The following APOL6 variants were observed in gnomAD, a reference collection of about 807,000 sequenced individuals.
APOL6 encodes the protein apolipoprotein L6, also known as apolipoprotein L, 6.
Under a neutral mutation model 2.4 loss-of-function variants are expected in APOL6, and 1 was observed. That is an observed-to-expected ratio of 0.41 (90% CI 0.15 to 1.94). The LOEUF is 1.94. Among genes scored for constraint, APOL6 ranks in the 30% most tolerant of loss-of-function variants. The pLI, the probability that APOL6 is intolerant of heterozygous loss-of-function variation, is 0.30. For synonymous variants in APOL6, 189 were observed against 169.3 expected (o/e 1.12, Z -0.90); for missense variants, 438 against 429.2 (o/e 1.02, Z -0.18).
rs796494565 is a variant in APOL6 at position 35,667,043 on chromosome 22, A to T, written c.*7447A>T. On this transcript the variant is annotated 3_prime_UTR_variant, in exon 3 of 3. Transcript: ENST00000409652. ...TGGAGAAATTGGTTGTTTTACTAAGACTTTGACTGGAATGGTGTGCTTTTC... is the reference window on the plus strand; with the variant it reads ...TGGAGAAATTGGTTGTTTTACTAAGTCTTTGACTGGAATGGTGTGCTTTTC... 4.6e-5 allele frequency: 7 copies of T among 152,312 alleles called. No homozygotes were observed. The highest frequency in any genetic ancestry group is 1.4e-4 in the African/African-American group (6 of 41,566). The allele number at this position is 152,312 out of a possible 1,614,324, so 9.4% of individuals were successfully genotyped here.
intron 1 of APOL6, among the ~76,000 whole-genome samples, chr22:35,652,580 G>T (rs1924726311): frequency 6.6e-6 from 1 of 152,044 alleles, no homozygotes. Context: ...TGTATAAGGT[G>T]TAAGGAAGGG....
Position 35,664,268 on chromosome 22 carries a change from T to C in APOL6, c.*4672T>C, listed in dbSNP as rs1443801711. On this transcript the variant is annotated 3_prime_UTR_variant, in exon 3 of 3. Coordinates refer to ENST00000409652, the MANE Select transcript of APOL6 (RefSeq NM_030641.4). The stretch of plus-strand genomic sequence containing the variant: ...CCCAAAACAGAATGATCTTTGCTTG[T>C]GTAATTTTTAATAAATAAGACATTG... The C allele has an allele frequency of 1.3e-5, 2 of 152,236 alleles. No individual in the cohort carries two copies. The highest frequency in any genetic ancestry group is 2.4e-5 in the African/African-American group (1 of 41,460). The allele number at this position is 152,236 out of a possible 1,614,324, so 9.4% of individuals were successfully genotyped here. A position where few individuals can be genotyped will look rare whatever the true frequency, so the allele number is the denominator to read the frequency against.
intron 1 of APOL6, among the ~76,000 whole-genome samples, chr22:35,653,697 AC>A (rs1269891917): frequency 6.6e-6 from 1 of 151,964 alleles, no homozygotes; most frequent in East Asian, 1.9e-4. Context: ...ACACCAATTT[AC>A]CTTCTTCTGG....
Position 35,662,671 on chromosome 22 carries a change from G to A in APOL6, c.*3075G>A, listed in dbSNP as rs1267628024. 6.6e-6 allele frequency: 1 copy of A among 152,226 alleles called. No individual in the cohort carries two copies. Among genetic ancestry groups the A allele is most frequent in the East Asian group, 1.9e-4 (1 of 5,206 alleles). 9.4% of individuals were successfully genotyped at this position (152,226 alleles called of 1,614,324 possible). A position where few individuals can be genotyped will look rare whatever the true frequency, so the allele number is the denominator to read the frequency against. ...CAGGACTTCCTGAGTCTGTGTCACA[G>A]TGTGTCCTCAACCTTGGCAAAATAA... On this transcript the variant is annotated 3_prime_UTR_variant, in exon 3 of 3. Transcript: ENST00000409652.
In APOL6 at chr22:35,659,371, A is replaced by C; in HGVS notation, c.807A>C (p.Glu269Asp). The C allele has an allele frequency of 1.2e-6, 2 of 1,614,108 alleles. No individual in the cohort carries two copies. Among genetic ancestry groups the C allele is most frequent in the Non-Finnish European group, 1.7e-6 (2 of 1,180,014 alleles). ...AAGGAGCAAGGACAAAGTTTGCGGA[A>C]GAGTTGAGAGCCAAGGCCTTGGAGC... Reference protein sequence around the residue: ...LKEGARTKFAEELRAKALELE... With the variant: ...LKEGARTKFADELRAKALELE... Residue 269 changes from glutamate (E) to aspartate (D), a missense_variant, in exon 3 of 3, where the codon GAA (glutamate) becomes GAC (aspartate). Physicochemically the swap from Glu to Asp is conservative, Grantham distance 45. Coordinates refer to ENST00000409652, the MANE Select transcript of APOL6 (RefSeq NM_030641.4).
intron 1 of APOL6, among the ~76,000 whole-genome samples, chr22:35,652,913 GTT>G: frequency 6.6e-6 from 1 of 152,024 alleles, no homozygotes; most frequent in East Asian, 1.9e-4. Flanking sequence ...CTTTAAAGTA[GTT>G]TTTTCCAATT....
At chr22:35,656,331 G>T (rs989482120) in intron 1 of APOL6, 48 bp from the exon 2 acceptor site, 17 of 1,424,398 alleles carry the variant, frequency 1.2e-5, no homozygotes, top group Non-Finnish European at 1.7e-5. Context: ...AATTTCATAA[G>T]GTTTCATCAT....
rs140728642 is a variant in APOL6, at chr22:35,659,185, T to A, written c.621T>A (p.Thr207=). ...LANATKRLLT[T]GQVSSRSRVQ... Reference sequence around the variant, plus strand: ...ATGCTACCAAGCGTCTTCTGACCACTGGCCAAGTCTCCTCCCGGAGCCGCG... The same window carrying A: ...ATGCTACCAAGCGTCTTCTGACCACAGGCCAAGTCTCCTCCCGGAGCCGCG... Residue 207 remains threonine, a synonymous_variant, in exon 3 of 3, where the codon ACT becomes ACA. Coordinates refer to ENST00000409652, the MANE Select transcript of APOL6 (RefSeq NM_030641.4). The A allele has an allele frequency of 6.8e-6, 11 of 1,614,080 alleles. No individual in the cohort carries two copies. The African/African-American group carries it at 1.5e-4, about 22-fold the overall frequency.
rs562755241 is a variant in APOL6, at chr22:35,659,028, A to C, written c.464A>C (p.Glu155Ala). Residue 155 changes from glutamate to alanine, a missense_variant, in exon 3 of 3, where the codon GAG (glutamate) becomes GCG (alanine). Transcript: ENST00000409652. ...ILPTYDQEDR[E>A]DEEEKADYVT... ...CCCACCTACGACCAAGAGGACAGGGAGGATGAGGAAGAGAAGGCAGACTAT... is the reference window on the plus strand; with the variant it reads ...CCCACCTACGACCAAGAGGACAGGGCGGATGAGGAAGAGAAGGCAGACTAT... 6.8e-6 allele frequency: 11 copies of C among 1,613,870 alleles called. No individual in the cohort carries two copies. In the African/African-American group the frequency reaches 1.1e-4, roughly 16 times the overall value.
At chr22:35,657,937 G>T (rs1924890571) in intron 2 of APOL6, among the ~76,000 whole-genome samples, 1 of 152,176 alleles carries the variant, frequency 6.6e-6, no homozygotes, top group Admixed American at 6.5e-5. Context: ...AGGTCTCTTT[G>T]TCCCAAACTT....
Position 35,665,126 on chromosome 22 carries a change from A to ACC in APOL6, c.*5533_*5534dup, listed in dbSNP as rs1297388359. 10 of 151,996 alleles carry ACC rather than the reference A, an allele frequency of 6.6e-5. No individual in the cohort carries two copies. The highest frequency in any genetic ancestry group is 1.7e-4 in the African/African-American group (7 of 41,470). 9.4% of individuals were successfully genotyped at this position (151,996 alleles called of 1,614,324 possible). ...TATATATATACACACACACACACACACCCCAAAAGCTTTTATATAATCAAG... is the reference window on the plus strand; with the variant it reads ...TATATATATACACACACACACACACACCCCCCAAAAGCTTTTATATAATCAAG... On this transcript the variant is annotated 3_prime_UTR_variant, in exon 3 of 3. Coordinates refer to ENST00000409652, the MANE Select transcript of APOL6 (RefSeq NM_030641.4).
rs1299709102 is a variant in APOL6, at chr22:35,666,214, T to G, written c.*6618T>G. Reference sequence around the variant, plus strand: ...GTCAGTTTTGTCTTTTGACTATGGCTGCCTTAAAACTTTTTTCTTCCATGC... The same window carrying G: ...GTCAGTTTTGTCTTTTGACTATGGCGGCCTTAAAACTTTTTTCTTCCATGC... On this transcript the variant is annotated 3_prime_UTR_variant, in exon 3 of 3. Transcript: ENST00000409652. 1.3e-5 allele frequency: 2 copies of G among 152,224 alleles called. No individual in the cohort carries two copies. Among genetic ancestry groups the G allele is most frequent in the African/African-American group, 4.8e-5 (2 of 41,472 alleles). The allele number at this position is 152,224 out of a possible 1,614,324, so 9.4% of individuals were successfully genotyped here.
At chr22:35,649,816 C>A (rs753215452) in intron 1 of APOL6, among the ~76,000 whole-genome samples, 4 of 152,144 alleles carry the variant, frequency 2.6e-5, no homozygotes, top group Non-Finnish European at 4.4e-5. Context: ...CCCCCAGCAA[C>A]CTTGTCATGT....
At position 35,665,404 on chromosome 22, in the gene APOL6, C is replaced by T. The variant is rs986700544; in HGVS notation, c.*5808C>T. 17 of 152,204 alleles carry T rather than the reference C, an allele frequency of 1.1e-4. No individual in the cohort carries two copies. The highest frequency in any genetic ancestry group is 5.9e-4 in the Admixed American group (9 of 15,282). 9.4% of individuals were successfully genotyped at this position (152,204 alleles called of 1,614,324 possible). Reference sequence around the variant, plus strand: ...TGAGGCACTAGGCAAGAAATTAAAGCTATTCAACTCCTCAAGGCCCAGGGA... The same window carrying T: ...TGAGGCACTAGGCAAGAAATTAAAGTTATTCAACTCCTCAAGGCCCAGGGA... On this transcript the variant is annotated 3_prime_UTR_variant, in exon 3 of 3. Coordinates refer to ENST00000409652, the MANE Select transcript of APOL6 (RefSeq NM_030641.4).
chr22:35,666,410 T>A lies in APOL6; in HGVS notation c.*6814T>A, dbSNP rs1925184930. ...GCCTCAGCCTCCCGAGTAGCTGGGATTACAGGCATACACCACCATGCCCAG... is the reference window on the plus strand; with the variant it reads ...GCCTCAGCCTCCCGAGTAGCTGGGAATACAGGCATACACCACCATGCCCAG... On this transcript the variant is annotated 3_prime_UTR_variant, in exon 3 of 3. Coordinates refer to ENST00000409652, the MANE Select transcript of APOL6 (RefSeq NM_030641.4). 6.6e-6 allele frequency: 1 copy of A among 152,186 alleles called. No homozygotes were observed. The highest frequency in any genetic ancestry group is 2.4e-5 in the African/African-American group (1 of 41,414). The allele number at this position is 152,186 out of a possible 1,614,324, so 9.4% of individuals were successfully genotyped here. A position where few individuals can be genotyped will look rare whatever the true frequency, so the allele number is the denominator to read the frequency against.
rs568175108 is a variant in APOL6 at position 35,649,668 on chromosome 22, G to A, written c.-48+1045G>A. On this transcript the variant is annotated intron_variant, in intron 1 of 2. Transcript: ENST00000409652. The stretch of plus-strand genomic sequence containing the variant: ...TCTCGCAACCACCAAGAGCAGGTCA[G>A]AGGGGATGGAATGGGACCTGCTTAG... Among the ~76,000 whole-genome samples the A allele has an allele frequency of 8.8e-4, 134 of 152,118 alleles. 1 individual carries two copies. Among genetic ancestry groups the A allele is most frequent in the South Asian group, 3.8e-3 (18 of 4,792 alleles).
chr22:35,650,745 C>G (rs544320215), intron 1 of APOL6, among the ~76,000 whole-genome samples: 1 of 152,096 alleles, frequency 6.6e-6, no homozygotes, highest in East Asian at 1.9e-4. Flanking sequence ...GCCTGGCCAA[C>G]CTTGTGAAAC....
rs1031847536 is a variant in APOL6, at chr22:35,665,312, A to G, written c.*5716A>G. 3.9e-5 allele frequency: 6 copies of G among 152,136 alleles called. No homozygotes were observed. Among genetic ancestry groups the G allele is most frequent in the African/African-American group, 1.4e-4 (6 of 41,424 alleles). The allele number at this position is 152,136 out of a possible 1,614,324, so 9.4% of individuals were successfully genotyped here. A position where few individuals can be genotyped will look rare whatever the true frequency, so the allele number is the denominator to read the frequency against. ...CTCCTGTGTCTGAAAAATCACAAAC[A>G]CTGATGACAATCAAAGCCTCATCTT... On this transcript the variant is annotated 3_prime_UTR_variant, in exon 3 of 3. Transcript: ENST00000409652.
At chr22:35,658,070 G>T (rs1924895045) in intron 2 of APOL6, among the ~76,000 whole-genome samples, 1 of 152,102 alleles carries the variant, frequency 6.6e-6, no homozygotes, top group Non-Finnish European at 1.5e-5. Context: ...CCTGATAGAA[G>T]CAAAGACACA....
Sources: gnomAD v4.1 joint callset for allele counts (sites outside exome capture counted in the v4.1 genomes callset) on GRCh38, gnomAD v4.1.1 for gene constraint, MANE v1.5 for transcripts, NCBI Gene and HGNC (gene_info 2026-07-23, HGNC 2026-07-21) for gene names.